The following RBFOX1 variants were observed in gnomAD, a reference collection of about 807,000 sequenced individuals.
The protein encoded by RBFOX1 is RNA binding fox-1 homolog 1.
In RBFOX1, 8 loss-of-function variants were observed where a neutral mutation model predicts 57.7. The ratio of observed to expected loss-of-function variants is 0.14; its 90% CI spans 0.08 to 0.25. The LOEUF (loss-of-function observed/expected upper bound fraction) is 0.25. Among genes scored for constraint, RBFOX1 ranks in the 10% least tolerant of loss-of-function variants. The probability of loss-of-function intolerance (pLI) is 1.00; values close to 1 mark genes in which losing one functional copy is unlikely to be tolerated. For missense variants in RBFOX1, 611 were observed against 548.5 expected, an observed-to-expected ratio of 1.11 and a Z score of -1.14; for synonymous variants, 326 against 222.4, an observed-to-expected ratio of 1.47 and a Z score of -4.15.
intron 3 of RBFOX1, among the ~76,000 whole-genome samples, chr16:6,696,964 G>C (rs1184314428): frequency 2.6e-5 from 4 of 152,152 alleles, no homozygotes; most frequent in Non-Finnish European, 4.4e-5. Flanking sequence ...GCCTCTAGTT[G>C]ATTATAATTC....
At chr16:7,355,582 T>C (rs1012086430) in intron 4 of RBFOX1, among the ~76,000 whole-genome samples, 2 of 152,222 alleles carry the variant, frequency 1.3e-5, no homozygotes, top group Admixed American at 6.5e-5. Context: ...TCATTGCTTT[T>C]ATTTATCTAA....
At chr16:6,962,661 T>C (rs191505588) in intron 3 of RBFOX1, among the ~76,000 whole-genome samples, 5 of 151,962 alleles carry the variant, frequency 3.3e-5, no homozygotes, top group Admixed American at 3.3e-4. Flanking sequence ...ACTCAGGAGT[T>C]CAAGACCAGC....
intron 4 of RBFOX1, among the ~76,000 whole-genome samples, chr16:5,916,775 A>C (rs183754994): frequency 1.8e-4 from 28 of 152,250 alleles, no homozygotes; most frequent in Non-Finnish European, 3.7e-4. Context: ...CCGTTTTATT[A>C]GCTTTACTTC....
chr16:6,111,220 A>T (rs1235658681), intron 1 of RBFOX1, among the ~76,000 whole-genome samples: 6 of 152,176 alleles, frequency 3.9e-5, no homozygotes, highest in African/African-American at 1.4e-4. Context: ...GCTGGAACAG[A>T]CGTCTCATCA....
At position 6,450,253 on chromosome 16, in the gene RBFOX1, G is replaced by A. The variant is rs556279809; in HGVS notation, c.-64+133196G>A. 2.6e-5 allele frequency among the ~76,000 whole-genome samples: 4 copies of A among 152,164 alleles called. No homozygotes were observed. In the East Asian group the frequency reaches 7.8e-4, roughly 29 times the overall value. On this transcript the variant is annotated intron_variant, in intron 2 of 15. Coordinates refer to ENST00000550418, the MANE Select transcript of RBFOX1 (RefSeq NM_018723.4). ...ATTTGCTTCCTCATCTATAATATGAGGGAAATAATAGCTCCCACATCACGA... is the reference window on the plus strand; with the variant it reads ...ATTTGCTTCCTCATCTATAATATGAAGGAAATAATAGCTCCCACATCACGA...
chr16:6,748,783 A>C (rs12929564), intron 3 of RBFOX1: 2 of 152,140 alleles, frequency 1.3e-5, no homozygotes, highest in African/African-American at 4.8e-5. Flanking sequence ...CTCAGAGGTT[A>C]TGATTAATTA....
At chr16:7,424,141 A>G (rs1437420483) in intron 4 of RBFOX1, among the ~76,000 whole-genome samples, 1 of 152,144 alleles carries the variant, frequency 6.6e-6, no homozygotes, top group Non-Finnish European at 1.5e-5. Flanking sequence ...TAGGAAAAAG[A>G]GCCATGCAAT....
rs2153402197 is a variant in RBFOX1, at chr16:6,898,889, T to G, written c.-15-153168T>G. On this transcript the variant is annotated intron_variant, in intron 3 of 15. Transcript: ENST00000550418. ...CACACATGTACACGTGTATAATACG[T>G]GTGTGCATCTCGTATGTGTTTGTGC... is the stretch of plus-strand genomic sequence containing the variant. Among the ~76,000 whole-genome samples the G allele has an allele frequency of 8.6e-5, 9 of 105,184 alleles. No individual in the cohort carries two copies. The Middle Eastern group carries it at 0.029, about 337-fold the overall frequency. The allele number at this position is 105,184 out of a possible 152,430, so 69.0% of individuals were successfully genotyped here. A position where few individuals can be genotyped will look rare whatever the true frequency, so the allele number is the denominator to read the frequency against.
chr16:7,046,949 A>G (rs982517237), intron 3 of RBFOX1, among the ~76,000 whole-genome samples: 7 of 151,178 alleles, frequency 4.6e-5, no homozygotes, highest in African/African-American at 1.7e-4. Flanking sequence ...TAAATTAAAA[A>G]GCTCTTCATG....
intron 1 of RBFOX1, among the ~76,000 whole-genome samples, chr16:6,170,404 T>G (rs893888259): frequency 1.3e-5 from 2 of 152,158 alleles, no homozygotes; most frequent in African/African-American, 4.8e-5. Flanking sequence ...AGCTGCTGAA[T>G]GAGGGAATTA....
chr16:6,967,033 T>A (rs1353233247), intron 3 of RBFOX1, among the ~76,000 whole-genome samples: 1 of 152,178 alleles, frequency 6.6e-6, no homozygotes, highest in Non-Finnish European at 1.5e-5. Context: ...TCTACTTATC[T>A]GTACGTGCAT....
At chr16:6,424,970 A>T (rs1358049140) in intron 2 of RBFOX1, among the ~76,000 whole-genome samples, 5 of 152,230 alleles carry the variant, frequency 3.3e-5, no homozygotes, top group Non-Finnish European at 7.3e-5. Flanking sequence ...CAAACAGAAT[A>T]CAGGAAAAAA....
chr16:5,895,528 C>G (rs2058143319), intron 4 of RBFOX1, among the ~76,000 whole-genome samples: 1 of 152,196 alleles, frequency 6.6e-6, no homozygotes, highest in African/African-American at 2.4e-5. Flanking sequence ...GAAATGATAA[C>G]TTGGCAGCCT....
chr16:6,753,064 A>G (rs190514886), intron 3 of RBFOX1, among the ~76,000 whole-genome samples: 2 of 121,872 alleles, frequency 1.6e-5, no homozygotes, highest in African/African-American at 6.0e-5. Context: ...TAGTATTATT[A>G]GGAAGTAATG....
chr16:6,225,323 C>G (rs17139582), intron 1 of RBFOX1, among the ~76,000 whole-genome samples: 29,607 of 152,018 alleles, frequency 0.19, 3,499 homozygotes, highest in East Asian at 0.32. Flanking sequence ...ATTGCTATAA[C>G]TTGCGTATCT....
intron 3 of RBFOX1, among the ~76,000 whole-genome samples, chr16:7,041,236 G>T (rs778706961): frequency 5.3e-5 from 8 of 151,854 alleles, no homozygotes; most frequent in Non-Finnish European, 8.8e-5. Context: ...ATCCAACCCT[G>T]TAAATAAAAT....
At chr16:5,977,815 C>A (rs904973214) in intron 4 of RBFOX1, among the ~76,000 whole-genome samples, 4 of 152,090 alleles carry the variant, frequency 2.6e-5, no homozygotes, top group African/African-American at 4.8e-5. Flanking sequence ...AGGTGGCTCC[C>A]TTCTCTAGGT....
chr16:6,912,020 A>C (rs1031403582), intron 3 of RBFOX1, among the ~76,000 whole-genome samples: 3 of 152,198 alleles, frequency 2.0e-5, no homozygotes, highest in Admixed American at 1.3e-4. Flanking sequence ...GCATTCTTCA[A>C]AGATTCCTTT....
At chr16:7,318,940 T>C (rs565554770) in intron 4 of RBFOX1, among the ~76,000 whole-genome samples, 1 of 152,232 alleles carries the variant, frequency 6.6e-6, no homozygotes, top group Non-Finnish European at 1.5e-5. Context: ...GCCAGAATGA[T>C]AAATAGCGCC....
Sources: gnomAD v4.1 joint callset for allele counts (sites outside exome capture counted in the v4.1 genomes callset) on GRCh38, gnomAD v4.1.1 for gene constraint, MANE v1.5 for transcripts, NCBI Gene and HGNC (gene_info 2026-07-23, HGNC 2026-07-21) for gene names.